Variants in CACNA1C observed in about 807,000 individuals in gnomAD.
The protein encoded by CACNA1C is voltage-dependent L-type calcium channel subunit alpha-1C.
CACNA1C carries 30 observed loss-of-function variants against 229.0 expected under a neutral mutation model. The ratio of observed to expected loss-of-function variants is 0.13; its 90% CI spans 0.10 to 0.18. The LOEUF is 0.18. Among genes scored for constraint, CACNA1C ranks in the 10% least tolerant of loss-of-function variants. The pLI, the probability that CACNA1C is intolerant of heterozygous loss-of-function variation, is 1.00. For missense variants in CACNA1C, 1,658 were observed against 2,845.0 expected (o/e 0.58, Z 9.49); for synonymous variants, 1,114 against 1,132.5 (o/e 0.98, Z 0.33).
chr12:2,427,981 G>C (rs891921860), intron 3 of CACNA1C, among the ~76,000 whole-genome samples: 8 of 152,254 alleles, frequency 5.3e-5, no homozygotes, highest in Non-Finnish European at 1.2e-4. Context: ...TGTATTAGTG[G>C]CTCCTTATCA....
chr12:2,063,202 A>G (rs1186769237), intron 1 of CACNA1C, among the ~76,000 whole-genome samples: 1 of 138,708 alleles, frequency 7.2e-6, no homozygotes, highest in Non-Finnish European at 1.6e-5. Context: ...ACCAGGCTGG[A>G]GTGCAGTGGT....
intron 1 of CACNA1C, among the ~76,000 whole-genome samples, chr12:1,999,487 A>G (rs1202107469): frequency 6.6e-6 from 1 of 152,188 alleles, no homozygotes; most frequent in East Asian, 1.9e-4. Context: ...TGAGGCAGGC[A>G]GGAGGATCGC....
At chr12:2,587,278 G>GTT (rs2062925429) in intron 18 of CACNA1C, among the ~76,000 whole-genome samples, 1 of 152,198 alleles carries the variant, frequency 6.6e-6, no homozygotes, top group Non-Finnish European at 1.5e-5. Context: ...GTTGAAGCTG[G>GTT]TTATATATAT....
intron 9 of CACNA1C, among the ~76,000 whole-genome samples, chr12:2,520,626 G>T (rs375284336): frequency 5.9e-5 from 6 of 101,214 alleles, no homozygotes; most frequent in East Asian, 3.0e-4. Flanking sequence ...GTGTGCTTCA[G>T]AGGAGGGAAG....
intron 3 of CACNA1C, among the ~76,000 whole-genome samples, chr12:2,196,025 T>A (rs145328584): frequency 4.0e-4 from 61 of 152,316 alleles, no homozygotes; most frequent in Non-Finnish European, 7.3e-4. Context: ...GCTAAGTAGA[T>A]CTTAGTGGAG....
intron 3 of CACNA1C, among the ~76,000 whole-genome samples, chr12:2,239,185 G>A (rs766628503): frequency 1.6e-4 from 25 of 152,162 alleles, no homozygotes; most frequent in Non-Finnish European, 2.9e-4. Flanking sequence ...GGAGGTCAGC[G>A]TTAGAGTGGG....
At chr12:2,103,383 T>A (rs1188679741) in intron 1 of CACNA1C, among the ~76,000 whole-genome samples, 1 of 152,266 alleles carries the variant, frequency 6.6e-6, no homozygotes, top group Non-Finnish European at 1.5e-5. Flanking sequence ...TGTCTTCTTT[T>A]GAGAAGTGTC....
intron 3 of CACNA1C, among the ~76,000 whole-genome samples, chr12:2,124,014 A>T (rs1417327302): frequency 6.6e-6 from 1 of 151,790 alleles, no homozygotes; most frequent in African/African-American, 2.4e-5. Context: ...CATCCTTGTC[A>T]ACCTAACCCA....
intron 3 of CACNA1C, among the ~76,000 whole-genome samples, chr12:2,353,674 C>G (rs1206783406): frequency 2.6e-5 from 4 of 152,150 alleles, no homozygotes; most frequent in African/African-American, 4.8e-5. Context: ...GTTTGGAGGG[C>G]TTCCTGGAGG....
intron 1 of CACNA1C, among the ~76,000 whole-genome samples, chr12:2,062,866 G>A (rs771274118): frequency 2.6e-5 from 4 of 152,096 alleles, no homozygotes; most frequent in Non-Finnish European, 5.9e-5. Flanking sequence ...CGTGAGTCCC[G>A]GGGACCATCC....
intron 1 of CACNA1C, among the ~76,000 whole-genome samples, chr12:2,027,987 G>A (rs1313895601): frequency 6.6e-6 from 1 of 152,164 alleles, no homozygotes; most frequent in Non-Finnish European, 1.5e-5. Context: ...ATCCTTATCC[G>A]TCCTTGGTAT....
intron 9 of CACNA1C, among the ~76,000 whole-genome samples, chr12:2,522,362 T>C (rs1271688730): frequency 1.3e-5 from 2 of 152,248 alleles, no homozygotes; most frequent in African/African-American, 4.8e-5. Context: ...ATGAATTGAA[T>C]TGAATTCTCT....
chr12:2,688,618 A>G lies in CACNA1C; in HGVS notation c.5956A>G (p.Ser1986Gly), dbSNP rs2153866077. 2 of 1,613,942 alleles carry G rather than the reference A, an allele frequency of 1.2e-6. No homozygotes were observed. Among genetic ancestry groups the G allele is most frequent in the Non-Finnish European group, 1.7e-6 (2 of 1,179,880 alleles). ...CGAGTCCAGTGAGAAACTCAACAGC[A>G]GCTTCCCATCCATCCACTGCGGCTC... ...GVESSEKLNS[S>G]FPSIHCGSWA... The change falls in exon 46 of 47, where the codon AGC becomes GGC. Residue 1986 changes from serine (S) to glycine (G), a missense_variant. Physicochemically the swap from Ser to Gly is moderately conservative, Grantham distance 56 (BLOSUM62 0). Around this residue, in one of 20 missense-constraint regions of CACNA1C, gnomAD observed 590 missense variants for 700.8 expected, o/e 0.84. Coordinates refer to ENST00000399655, the MANE Select transcript of CACNA1C (RefSeq NM_000719.7).
chr12:2,020,440 T>G (rs1345211762), intron 1 of CACNA1C: 1 of 152,214 alleles, frequency 6.6e-6, no homozygotes, highest in Admixed American at 6.5e-5. Flanking sequence ...TCCCCTCTCA[T>G]GTCATGTAAT....
intron 1 of CACNA1C, among the ~76,000 whole-genome samples, chr12:2,040,118 G>A (rs2049824312): frequency 6.6e-6 from 1 of 151,754 alleles, no homozygotes; most frequent in African/African-American, 2.4e-5. Context: ...CAGGGAGAGA[G>A]TTAAGACTTT....
intron 18 of CACNA1C, among the ~76,000 whole-genome samples, chr12:2,588,572 A>C (rs1424905186): frequency 6.6e-6 from 1 of 152,186 alleles, no homozygotes; most frequent in Non-Finnish European, 1.5e-5. Flanking sequence ...TTACCCTCGC[A>C]TGACCGCGAA....
At chr12:2,462,227 G>A (rs113376277) in intron 5 of CACNA1C, among the ~76,000 whole-genome samples, 5 of 151,118 alleles carry the variant, frequency 3.3e-5, no homozygotes, top group African/African-American at 7.3e-5. Context: ...ACAGGCCTGC[G>A]CACCTCCTTG....
intron 1 of CACNA1C, among the ~76,000 whole-genome samples, chr12:1,976,337 G>A (rs751860597): frequency 6.6e-6 from 1 of 152,182 alleles, no homozygotes; most frequent in African/African-American, 2.4e-5. Flanking sequence ...GTAAGATTCA[G>A]TGACCACATT....
chr12:2,521,573 A>G (rs1056077302), intron 9 of CACNA1C, among the ~76,000 whole-genome samples: 24 of 152,112 alleles, frequency 1.6e-4, no homozygotes. Flanking sequence ...TTCCGAGCCC[A>G]CTTCTCTCTC....
Sources: allele counts gnomAD v4.1 joint callset (sites outside exome capture counted in the v4.1 genomes callset), GRCh38; gene constraint gnomAD v4.1.1; regional missense constraint gnomAD v4.1.1; transcripts MANE v1.5; gene names NCBI Gene and HGNC (gene_info 2026-07-23, HGNC 2026-07-21).